ZNF469: variants seen among roughly 807,000 people sequenced by gnomAD.
ZNF469 encodes the protein zinc finger protein 469.
In ZNF469, 1 loss-of-function variant was observed where a neutral mutation model predicts 1.0. The observed-to-expected ratio is 1.00, with a 90% CI of 0.35 to 4.73. The LOEUF (loss-of-function observed/expected upper bound fraction) is 4.73. Ranked by LOEUF, ZNF469 falls within the 30% of genes most tolerant of loss-of-function variation. The pLI, the probability that ZNF469 is intolerant of heterozygous loss-of-function variation, is 0.16. For missense variants in ZNF469, 6,100 were observed against 5,356.3 expected (o/e 1.14, Z -4.33); for synonymous variants, 2,703 against 2,363.4 (o/e 1.14, Z -4.17).
chr16:88,289,576 C>A, the ZNF469 span, among the ~76,000 whole-genome samples: 1 of 152,184 alleles, frequency 6.6e-6, no homozygotes, highest in Non-Finnish European at 1.5e-5. Flanking sequence ...CATCACCACT[C>A]CATGAGCAAT....
At chr16:88,190,177 C>T in the ZNF469 span, among the ~76,000 whole-genome samples, 1 of 152,230 alleles carries the variant, frequency 6.6e-6, no homozygotes, top group African/African-American at 2.4e-5. Flanking sequence ...CCAAAACCTT[C>T]TCATTTTTCT....
At chr16:88,297,986 T>C in the ZNF469 span, among the ~76,000 whole-genome samples, 6 of 152,190 alleles carry the variant, frequency 3.9e-5, no homozygotes, top group Non-Finnish European at 8.8e-5. Context: ...TATCTTTATG[T>C]TACGAGCAGG....
rs529827333 is a variant in ZNF469 at position 88,429,544 on chromosome 16, C to G, written c.2074C>G (p.His692Asp). ...FQCLEETPFPHEGPEVGRGGL... is the reference protein window; with the variant it reads ...FQCLEETPFPDEGPEVGRGGL... ...GTGCCTGGAGGAGACCCCATTCCCC[C>G]ACGAGGGCCCCGAGGTGGGTCGGGG... The change falls in exon 3 of 3, where the codon CAC (histidine) becomes GAC (aspartate). Residue 692 changes from histidine to aspartate, a missense_variant. Physicochemically the swap from His to Asp is moderately conservative, Grantham distance 81. Coordinates refer to ENST00000565624, the MANE Select transcript of ZNF469 (RefSeq NM_001367624.2). The G allele has an allele frequency of 1.3e-5, 20 of 1,550,060 alleles. No individual in the cohort carries two copies. The highest frequency in any genetic ancestry group is 1.5e-5 in the Non-Finnish European group (17 of 1,146,878).
the ZNF469 span, among the ~76,000 whole-genome samples, chr16:88,369,687 C>T: frequency 1.3e-5 from 2 of 152,356 alleles, no homozygotes; most frequent in East Asian, 3.9e-4. Context: ...ACACTGTCCC[C>T]ACTGCCCTGT....
chr16:88,422,619 G>A (rs1042636685), intron 1 of ZNF469, among the ~76,000 whole-genome samples: 20 of 150,452 alleles, frequency 1.3e-4, no homozygotes, highest in African/African-American at 4.9e-4. Flanking sequence ...ATGAGTGGGT[G>A]GGTAGATGGA....
the ZNF469 span, among the ~76,000 whole-genome samples, chr16:88,209,079 A>C: frequency 6.6e-6 from 1 of 152,088 alleles, no homozygotes; most frequent in Non-Finnish European, 1.5e-5. Context: ...TTCTATCTGC[A>C]ATCCAATTAG....
Position 88,438,586 on chromosome 16 carries a change from C to G in ZNF469, c.11116C>G (p.Leu3706Val), listed in dbSNP as rs1906773965. Residue 3706 changes from leucine to valine, a missense_variant, in exon 3 of 3, where the codon CTG becomes GTG. Leu to Val is a conservative substitution (Grantham distance 32, BLOSUM62 1). Coordinates refer to ENST00000565624, the MANE Select transcript of ZNF469 (RefSeq NM_001367624.2). ...GCACCCAAGGAAGGCGGTGGGGAGC[C>G]TGGCACCCGGGGAGCTGGCCCGTGG... Reference protein sequence around the residue: ...PVHPRKAVGSLAPGELARGTE... With the variant: ...PVHPRKAVGSVAPGELARGTE... 6.5e-7 allele frequency: 1 copy of G among 1,550,106 alleles called. No individual in the cohort carries two copies. Among genetic ancestry groups the G allele is most frequent in the Non-Finnish European group, 8.7e-7 (1 of 1,146,916 alleles).
the ZNF469 span, among the ~76,000 whole-genome samples, chr16:88,103,538 C>G: frequency 1.3e-5 from 2 of 152,160 alleles, no homozygotes; most frequent in African/African-American, 2.4e-5. Flanking sequence ...CCCTCCTTGT[C>G]CCCCCCGAAT....
chr16:88,346,041 G>A, the ZNF469 span, among the ~76,000 whole-genome samples: 6 of 152,354 alleles, frequency 3.9e-5, no homozygotes, highest in African/African-American at 1.4e-4. Context: ...ACCGGGTCAG[G>A]CTGTGAGCAC....
chr16:88,138,037 G>A, the ZNF469 span, among the ~76,000 whole-genome samples: 17 of 152,214 alleles, frequency 1.1e-4, no homozygotes, highest in Non-Finnish European at 1.8e-4. Flanking sequence ...CACCACTCCC[G>A]GTCCAAGGGA....
the ZNF469 span, among the ~76,000 whole-genome samples, chr16:88,169,067 C>T: frequency 6.6e-6 from 1 of 152,078 alleles, no homozygotes; most frequent in Non-Finnish European, 1.5e-5. This position sits in a 1 kb window ranked among gnomAD's most constrained non-coding sequence, Gnocchi z 6.1. Context: ...GTTAGGGTCC[C>T]TGGGACACCA....
chr16:88,133,529 ATG>A, the ZNF469 span, among the ~76,000 whole-genome samples: 1 of 152,232 alleles, frequency 6.6e-6, no homozygotes. Context: ...TATGTATTAA[ATG>A]TATTATTAAA....
chr16:88,251,873 A>G, the ZNF469 span, among the ~76,000 whole-genome samples: 1 of 151,472 alleles, frequency 6.6e-6, no homozygotes, highest in African/African-American at 2.4e-5. Flanking sequence ...CTCTCTTCTT[A>G]TGGCTCCAGC....
chr16:88,244,709 ATGGG>A, the ZNF469 span, among the ~76,000 whole-genome samples: 1 of 94,086 alleles, frequency 1.1e-5, no homozygotes. Context: ...AGATGAATTG[ATGGG>A]TGGATGGGTA....
At chr16:88,172,687 C>T in the ZNF469 span, among the ~76,000 whole-genome samples, 5 of 152,110 alleles carry the variant, frequency 3.3e-5, no homozygotes, top group African/African-American at 4.8e-5. Context: ...GACAAGGATG[C>T]TAAACAGCTA....
At chr16:88,150,980 A>C in the ZNF469 span, among the ~76,000 whole-genome samples, 1 of 152,142 alleles carries the variant, frequency 6.6e-6, no homozygotes, top group Admixed American at 6.5e-5. Context: ...GTATCGTCCA[A>C]AGAAGTCCAG....
chr16:88,216,581 C>A, the ZNF469 span, among the ~76,000 whole-genome samples: 1 of 151,648 alleles, frequency 6.6e-6, no homozygotes, highest in African/African-American at 2.4e-5. Context: ...ATTGTTGATT[C>A]TTGGAAGACA....
In ZNF469 at chr16:88,387,974, C is replaced by T. The variant is rs568440650; in HGVS notation, c.-192+4720C>T. ...CTCTGGGGCCAAGCTTCACCCAGCC[C>T]TCCCAGCCACACCGCCAGGACAGGG... On this transcript the variant is annotated intron_variant, in intron 1 of 2. Transcript: ENST00000565624. Among the ~76,000 whole-genome samples, 452 of 152,390 alleles carry T rather than the reference C, an allele frequency of 3.0e-3. 3 individuals are homozygous for T. Among genetic ancestry groups the T allele is most frequent in the African/African-American group, 0.01 (430 of 41,598 alleles).
the ZNF469 span, among the ~76,000 whole-genome samples, chr16:88,176,102 C>T: frequency 2.0e-5 from 3 of 151,596 alleles, no homozygotes; most frequent in South Asian, 4.2e-4. Context: ...TCCCAGAGGG[C>T]TGGGGGGTCT....
Sources: allele counts gnomAD v4.1 joint callset (sites outside exome capture counted in the v4.1 genomes callset), GRCh38; gene constraint gnomAD v4.1.1; non-coding constraint Gnocchi (gnomAD v3.1); transcripts MANE v1.5; gene names NCBI Gene and HGNC (gene_info 2026-07-23, HGNC 2026-07-21).